Variants in NDUFS7 observed in about 807,000 individuals in gnomAD.
NDUFS7 encodes the protein NADH dehydrogenase [ubiquinone] iron-sulfur protein 7, mitochondrial.
A neutral mutation model predicts 31.1 loss-of-function variants in NDUFS7; 11 were observed. The observed-to-expected ratio is 0.35, with a 90% CI of 0.22 to 0.59. The LOEUF (loss-of-function observed/expected upper bound fraction) is 0.59, where lower values mean the gene tolerates loss of function less well. NDUFS7 is among the 20% of genes least tolerant of loss of function. The pLI is 0.79. For synonymous variants in NDUFS7, 136 were observed against 127.9 expected (o/e 1.06, Z -0.43); for missense variants, 263 against 324.2 (o/e 0.81, Z 1.45).
Position 1,393,648 on chromosome 19 carries a change from G to A in NDUFS7, c.544+318G>A. ...ACCTGCAGTTAGAAATACCAAGCGA[G>A]AAGGTTCCTGGGGGCCAAGGACACT... is the stretch of plus-strand genomic sequence containing the variant. On this transcript the variant is annotated intron_variant, in intron 7 of 7. Coordinates refer to ENST00000233627, the MANE Select transcript of NDUFS7 (RefSeq NM_024407.5). The surrounding 1 kb of genome is among the most constrained non-coding windows in gnomAD (Gnocchi z 7.3). 1.7e-6 allele frequency: 1 copy of A among 596,562 alleles called. No homozygotes were observed. The highest frequency in any genetic ancestry group is 3.0e-6 in the Non-Finnish European group (1 of 333,570). 37.0% of individuals were successfully genotyped at this position (596,562 alleles called of 1,614,324 possible).
At chr19:1,392,175 CAG>C (rs1181450649) in intron 6 of NDUFS7, 1 of 149,256 alleles carries the variant, frequency 6.7e-6, no homozygotes, top group Non-Finnish European at 1.5e-5. Context: ...TTTTTAGAGA[CAG>C]AGTCTCACTG....
intron 1 of NDUFS7, among the ~76,000 whole-genome samples, chr19:1,384,740 C>T (rs968930334): frequency 2.0e-5 from 3 of 152,224 alleles, no homozygotes; most frequent in African/African-American, 7.2e-5. Context: ...AGCTAGGAAA[C>T]ATCTGTGATT....
rs532410412 is a variant in NDUFS7, at chr19:1,387,679, G to T, written c.17-132G>T. 6.3e-6 allele frequency: 5 copies of T among 795,126 alleles called. No homozygotes were observed. In the African/African-American group the frequency reaches 6.7e-5, roughly 11 times the overall value. The allele number at this position is 795,126 out of a possible 1,614,324, so 49.3% of individuals were successfully genotyped here. ...TCTGAAAACCCCCTCGTTACCTAAC[G>T]TTTGTTAAGTGGCACTCGAGTTGGG... On this transcript the variant is annotated intron_variant, in intron 1 of 7. Transcript: ENST00000233627.
At position 1,384,022 on chromosome 19, in the gene NDUFS7, G is replaced by C. The variant is rs113443464; in HGVS notation, c.16+80G>C. The C allele has an allele frequency of 0.017, 24,351 of 1,462,992 alleles. 285 individuals are homozygous for C. The highest frequency in any genetic ancestry group is 0.031 in the Middle Eastern group (127 of 4,152). 90.6% of individuals were successfully genotyped at this position (1,462,992 alleles called of 1,614,324 possible). On this transcript the variant is annotated intron_variant, in intron 1 of 7. Coordinates refer to ENST00000233627, the MANE Select transcript of NDUFS7 (RefSeq NM_024407.5). ...GCCTCGGGTGTCGTGGTGGCGTCGG[G>C]GGTCGGTGCCGGCGTCGTGGCCGCG...
At position 1,383,907 on chromosome 19, in the gene NDUFS7, G is replaced by T. The variant is rs1268422383; in HGVS notation, c.-20G>T. 1.3e-6 allele frequency: 2 copies of T among 1,580,238 alleles called. No individual in the cohort carries two copies. Among genetic ancestry groups the T allele is most frequent in the Admixed American group, 1.8e-5 (1 of 55,124 alleles). On this transcript the variant is annotated 5_prime_UTR_variant, in exon 1 of 8. Transcript: ENST00000233627. The stretch of plus-strand genomic sequence containing the variant: ...CTAAGGAGAACGGACCTCAGAGGTT[G>T]TCTGAAGGCCGAGGCCAAGATGGCG...
rs1261793030 is a variant in NDUFS7 at position 1,387,821 on chromosome 19, G to C, written c.27G>C (p.Leu9=). The C allele has an allele frequency of 6.2e-7, 1 of 1,611,552 alleles. No individual in the cohort carries two copies. The highest frequency in any genetic ancestry group is 8.5e-7 in the Non-Finnish European group (1 of 1,179,818). Residue 9 remains leucine, a synonymous_variant, in exon 2 of 8, where the codon CTG becomes CTC. Coordinates refer to ENST00000233627, the MANE Select transcript of NDUFS7 (RefSeq NM_024407.5). MAVLSAPG[L]RGFRILGLRS... is the part of the protein sequence containing the mutation. ...TGGTCCTCTCTGCAGCTCCTGGCCT[G>C]CGCGGCTTCCGGATCCTTGGTCTGC...
intron 4 of NDUFS7, chr19:1,389,323 ACACT>A (rs767919712): frequency 4.2e-4 from 192 of 459,736 alleles, no homozygotes; most frequent in African/African-American, 1.3e-3. Context: ...ACACACATGC[ACACT>A]CACACACATG....
At chr19:1,388,696 C>T (rs770205498) in intron 3 of NDUFS7, 103 bp downstream of exon 3, 12 of 1,443,604 alleles carry the variant, frequency 8.3e-6, no homozygotes, top group African/African-American at 1.4e-5. Context: ...ATGGATGGGG[C>T]AGGGAGGGGG....
At chr19:1,394,359 T>C (rs777516110) in intron 7 of NDUFS7, 24 of 1,288,310 alleles carry the variant, frequency 1.9e-5, no homozygotes, top group Non-Finnish European at 2.4e-5. Context: ...CGTCTTCCCC[T>C]GCAGTGCAGA....
intron 1 of NDUFS7, chr19:1,384,218 C>T: frequency 6.1e-6 from 3 of 488,084 alleles, no homozygotes; most frequent in East Asian, 3.6e-5. Context: ...TGGAGGGGCC[C>T]CATTCACGTC....
chr19:1,391,897 G>A (rs1053822619), intron 6 of NDUFS7: 1 of 151,802 alleles, frequency 6.6e-6, no homozygotes, highest in African/African-American at 2.4e-5. Flanking sequence ...CGCCCAGGCT[G>A]GAGTGCAGTG....
intron 4 of NDUFS7, chr19:1,389,440 C>T (rs1488791267): frequency 2.2e-5 from 10 of 457,806 alleles, no homozygotes; most frequent in South Asian, 3.1e-5. Context: ...TGGAGCAGGG[C>T]GGACCCTCCC....
chr19:1,389,355 G>T, intron 4 of NDUFS7: 2 of 475,900 alleles, frequency 4.2e-6, no homozygotes, highest in South Asian at 3.1e-5. Flanking sequence ...GTCCTTGTGT[G>T]GACACATGCA....
intron 7 of NDUFS7, chr19:1,394,735 G>C (rs1403585854): frequency 2.9e-5 from 35 of 1,188,442 alleles, no homozygotes; most frequent in Non-Finnish European, 3.6e-5. Context: ...GCCTGGACTT[G>C]CCAGAGCTCT....
Position 1,393,952 on chromosome 19 carries a change from C to CA in NDUFS7, c.544+623dup, listed in dbSNP as rs1205965492. The CA allele has an allele frequency of 4.1e-6, 1 of 244,484 alleles. No individual in the cohort carries two copies. The highest frequency in any genetic ancestry group is 2.2e-5 in the African/African-American group (1 of 44,466). The allele number at this position is 244,484 out of a possible 1,614,324, so 15.1% of individuals were successfully genotyped here. ...GTGATCCCGTGGGACTCTTGCACCT[C>CA]ACGTGGTCCCACGAGGGCCATCCCC... On this transcript the variant is annotated intron_variant, in intron 7 of 7. Transcript: ENST00000233627. This position sits in a 1 kb window ranked among gnomAD's most constrained non-coding sequence, Gnocchi z 7.3.
intron 1 of NDUFS7, 188 bp from the exon 2 acceptor site, chr19:1,387,623 T>C (rs2082516059): frequency 4.7e-6 from 3 of 632,262 alleles, no homozygotes; most frequent in Non-Finnish European, 5.8e-6. Flanking sequence ...GGCCATGCAG[T>C]CTCAAGCAGG....
intron 7 of NDUFS7, 95 bp from the exon 8 acceptor site, chr19:1,395,296 C>G: frequency 6.6e-7 from 1 of 1,509,434 alleles, no homozygotes; most frequent in Non-Finnish European, 8.9e-7. Context: ...AGAGGCCGGC[C>G]CGGGAAACCC....
intron 2 of NDUFS7, chr19:1,388,236 G>T: frequency 1.7e-6 from 1 of 588,382 alleles, no homozygotes; most frequent in Non-Finnish European, 3.0e-6. Context: ...TGTGTGGAGG[G>T]CCTGCTGCCA....
At chr19:1,395,093 T>TGGGGCC in intron 7 of NDUFS7, 2 of 1,310,326 alleles carry the variant, frequency 1.5e-6, no homozygotes, top group Non-Finnish European at 2.0e-6. Flanking sequence ...TCCTGAGGGC[T>TGGGGCC]GGGGCCGGGG....
Sources: allele counts gnomAD v4.1 joint callset (sites outside exome capture counted in the v4.1 genomes callset), GRCh38; gene constraint gnomAD v4.1.1; non-coding constraint Gnocchi (gnomAD v3.1); transcripts MANE v1.5; gene names NCBI Gene and HGNC (gene_info 2026-07-23, HGNC 2026-07-21).